Variants in SASH1 observed in about 807,000 individuals in gnomAD.
SASH1 encodes the protein SAM and SH3 domain-containing protein 1.
A neutral mutation model predicts 125.2 loss-of-function variants in SASH1; 44 were observed. The observed-to-expected ratio is 0.35, with a 90% CI of 0.28 to 0.45. The LOEUF (loss-of-function observed/expected upper bound fraction) is 0.45. SASH1 is among the 20% of genes least tolerant of loss of function. The probability of loss-of-function intolerance (pLI) is 1.00; values close to 1 mark genes in which losing one functional copy is unlikely to be tolerated. For synonymous variants in SASH1, 639 were observed against 649.1 expected (o/e 0.98, Z 0.24); for missense variants, 1,426 against 1,614.5 (o/e 0.88, Z 2.00).
intron 1 of SASH1, among the ~76,000 whole-genome samples, chr6:148,369,692 G>C (rs1782631096): frequency 6.6e-6 from 1 of 152,034 alleles, no homozygotes; most frequent in Non-Finnish European, 1.5e-5. Context: ...GGTGACTCAT[G>C]CCTGCGATCC....
At chr6:148,376,510 A>G (rs905941559) in intron 1 of SASH1, among the ~76,000 whole-genome samples, 12 of 152,306 alleles carry the variant, frequency 7.9e-5, no homozygotes, top group East Asian at 1.9e-4. Flanking sequence ...TCACCACAAA[A>G]GGAATATATG....
intron 1 of SASH1, among the ~76,000 whole-genome samples, chr6:148,280,109 A>G (rs900701418): frequency 1.4e-5 from 2 of 139,658 alleles, no homozygotes. Flanking sequence ...AAGATTGTGT[A>G]TTTTCAACAC....
intron 2 of SASH1, among the ~76,000 whole-genome samples, chr6:148,428,282 A>G (rs553487772): frequency 3.9e-5 from 6 of 152,292 alleles, no homozygotes; most frequent in African/African-American, 1.4e-4. Flanking sequence ...ATCTTAAGTC[A>G]TTTTCTGGAA....
chr6:148,351,980 A>C (rs954052463), intron 1 of SASH1, among the ~76,000 whole-genome samples: 1 of 152,142 alleles, frequency 6.6e-6, no homozygotes, highest in Non-Finnish European at 1.5e-5. Flanking sequence ...ACTTTGTAGC[A>C]TTCCTTGTTT....
intron 8 of SASH1, among the ~76,000 whole-genome samples, chr6:148,500,323 G>A (rs536393768): frequency 2.0e-5 from 3 of 151,894 alleles, no homozygotes; most frequent in African/African-American, 7.2e-5. Flanking sequence ...GGTGAAATGT[G>A]GTCTTCATTG....
intron 4 of SASH1, among the ~76,000 whole-genome samples, chr6:148,459,879 T>C (rs1369496348): frequency 6.6e-6 from 1 of 152,204 alleles, no homozygotes; most frequent in Non-Finnish European, 1.5e-5. Context: ...GACTAAGTAA[T>C]GTGCCCAGAG....
chr6:148,349,267 T>C (rs1350996632), intron 1 of SASH1, among the ~76,000 whole-genome samples: 3 of 132,026 alleles, frequency 2.3e-5, no homozygotes, highest in African/African-American at 8.5e-5. Flanking sequence ...TTTTTTTTTT[T>C]TTTTTTTTTT....
At chr6:148,536,287 C>T (rs542099064) in intron 16 of SASH1, among the ~76,000 whole-genome samples, 1 of 152,290 alleles carries the variant, frequency 6.6e-6, no homozygotes, top group South Asian at 2.1e-4. Context: ...AAACAGCTCA[C>T]TTGCTCTTCC....
At chr6:148,416,267 C>T (rs1374105906) in intron 2 of SASH1, among the ~76,000 whole-genome samples, 2 of 152,252 alleles carry the variant, frequency 1.3e-5, no homozygotes, top group East Asian at 1.9e-4. Flanking sequence ...TTTGAGGTTT[C>T]CCTGAAACTT....
At chr6:148,263,531 GC>G in the SASH1 span, among the ~76,000 whole-genome samples, 1 of 152,236 alleles carries the variant, frequency 6.6e-6, no homozygotes, top group Non-Finnish European at 1.5e-5. Context: ...CAGAAAGTCA[GC>G]CCAGGGCAAC....
At chr6:148,267,568 C>T (rs190311275), upstream of SASH1, among the ~76,000 whole-genome samples, 9 of 152,086 alleles carry the variant, frequency 5.9e-5, no homozygotes, top group East Asian at 9.7e-4. Flanking sequence ...TTAGTAGAGA[C>T]GGGGTTTCAC....
chr6:148,247,961 G>A, the SASH1 span, among the ~76,000 whole-genome samples: 611 of 152,242 alleles, frequency 4.0e-3, 5 homozygotes, highest in Middle Eastern at 0.01. Flanking sequence ...TATGTTTAAT[G>A]AGTATCTCTT....
chr6:148,389,675 G>T (rs1377460593), intron 1 of SASH1, among the ~76,000 whole-genome samples: 1 of 152,136 alleles, frequency 6.6e-6, no homozygotes, highest in African/African-American at 2.4e-5. Flanking sequence ...TCTCTTTTAT[G>T]AGCTTCCCAG....
chr6:148,229,987 C>T, the SASH1 span, among the ~76,000 whole-genome samples: 4 of 152,120 alleles, frequency 2.6e-5, no homozygotes, highest in Admixed American at 2.6e-4. Flanking sequence ...GCTGGGATTA[C>T]AGGCATGAGC....
intron 4 of SASH1, among the ~76,000 whole-genome samples, chr6:148,462,631 G>C (rs887082001): frequency 1.3e-5 from 2 of 152,174 alleles, no homozygotes; most frequent in African/African-American, 4.8e-5. Context: ...ATAGACCATG[G>C]TGAGGTTTGG....
chr6:148,477,405 G>A (rs920380661), intron 7 of SASH1, among the ~76,000 whole-genome samples: 3 of 152,204 alleles, frequency 2.0e-5, no homozygotes, highest in Admixed American at 6.5e-5. Context: ...AATAGAGAAA[G>A]TATCTGAATA....
chr6:148,408,024 C>A (rs1784448974), intron 2 of SASH1, among the ~76,000 whole-genome samples: 1 of 152,144 alleles, frequency 6.6e-6, no homozygotes, highest in South Asian at 2.1e-4. Context: ...TTCTCGTCAT[C>A]CTTGCTAACA....
chr6:148,420,257 G>C (rs1011329992), intron 2 of SASH1, among the ~76,000 whole-genome samples: 1 of 152,062 alleles, frequency 6.6e-6, no homozygotes, highest in Non-Finnish European at 1.5e-5. Flanking sequence ...GTCTGTAGAA[G>C]GAATAACATT....
rs146594246 is a variant in SASH1 at position 148,407,088 on chromosome 6, A to G, written c.285+16826A>G. ...TTTAAAAAATTATAGTAAAATATAC[A>G]TAACGTAAAATTTACCATCCTAACT... On this transcript the variant is annotated intron_variant, in intron 2 of 19. Transcript: ENST00000367467. 6.4e-3 allele frequency among the ~76,000 whole-genome samples: 973 copies of G among 152,358 alleles called. 10 individuals carry two copies. Among genetic ancestry groups the G allele is most frequent in the African/African-American group, 0.021 (880 of 41,588 alleles).
Sources: gnomAD v4.1 joint callset for allele counts (sites outside exome capture counted in the v4.1 genomes callset) on GRCh38, gnomAD v4.1.1 for gene constraint, MANE v1.5 for transcripts, NCBI Gene and HGNC (gene_info 2026-07-23, HGNC 2026-07-21) for gene names.